The following PRMT8 variants were observed in gnomAD, a reference collection of about 807,000 sequenced individuals.
The protein encoded by PRMT8 is protein arginine N-methyltransferase 8.
In PRMT8, 7 loss-of-function variants were observed where a neutral mutation model predicts 47.1. The ratio of observed to expected loss-of-function variants is 0.15; its 90% CI spans 0.08 to 0.28. PRMT8 has a LOEUF of 0.28. Ranked by LOEUF, PRMT8 falls within the 10% of genes least tolerant of loss-of-function variation. The probability of loss-of-function intolerance (pLI) is 1.00; values close to 1 mark genes in which losing one functional copy is unlikely to be tolerated. For synonymous variants in PRMT8, 188 were observed against 186.5 expected (o/e 1.01, Z -0.07); for missense variants, 237 against 505.4 (o/e 0.47, Z 5.09).
chr12:3,491,789 A>G, intron 1 of PRMT8, 89 bp downstream of exon 1: 1 of 1,389,210 alleles, frequency 7.2e-7, no homozygotes, highest in South Asian at 1.3e-5. Flanking sequence ...CCGAGTGCCA[A>G]ACTTTCCCCA....
At chr12:3,577,888 A>G (rs1009599986) in intron 7 of PRMT8, among the ~76,000 whole-genome samples, 4 of 152,174 alleles carry the variant, frequency 2.6e-5, no homozygotes, top group Non-Finnish European at 4.4e-5. Flanking sequence ...ATTATTAAAA[A>G]TTCAAACATG....
At chr12:3,463,914 G>T (rs1865064275) in intron 1 of PRMT8, among the ~76,000 whole-genome samples, 3 of 152,326 alleles carry the variant, frequency 2.0e-5, no homozygotes, top group South Asian at 4.1e-4. Context: ...AGAGGATAAT[G>T]CTTCCGTCTT....
rs1263704710 is a variant in PRMT8, at chr12:3,519,176, CAGAG to C, written c.76-21424_76-21421del. 4.0e-5 allele frequency among the ~76,000 whole-genome samples: 6 copies of C among 150,706 alleles called. No individual in the cohort carries two copies. The South Asian group carries it at 8.4e-4, about 21-fold the overall frequency. ...GGCCCAGCACGGCTCAGCTCGTGGC[CAGAG>C]AGAGAAAGAAGAAAAAACTAAGTGT... On this transcript the variant is annotated intron_variant, in intron 1 of 9. Coordinates refer to ENST00000382622, the MANE Select transcript of PRMT8 (RefSeq NM_019854.5).
intron 1 of PRMT8, among the ~76,000 whole-genome samples, chr12:3,526,187 A>G (rs1369337232): frequency 6.6e-6 from 1 of 152,134 alleles, no homozygotes; most frequent in Non-Finnish European, 1.5e-5. Flanking sequence ...TTTGTAGCAT[A>G]TGTCAGATTT....
intron 1 of PRMT8, among the ~76,000 whole-genome samples, chr12:3,448,154 G>C (rs10774148): frequency 0.48 from 73,719 of 152,102 alleles, 21,448 homozygotes; most frequent in Non-Finnish European, 0.65. Flanking sequence ...GTGGCACTAT[G>C]CCTGACTGAT....
intron 1 of PRMT8, among the ~76,000 whole-genome samples, chr12:3,462,524 T>G (rs1405220587): frequency 6.6e-6 from 1 of 151,996 alleles, no homozygotes; most frequent in Admixed American, 6.6e-5. Flanking sequence ...GCAAGCAGTT[T>G]TAAAAAATGA....
Position 3,569,259 on chromosome 12 carries a change from T to A in PRMT8, c.625-218T>A, listed in dbSNP as rs1393744962. On this transcript the variant is annotated intron_variant, in intron 5 of 9. Coordinates refer to ENST00000382622, the MANE Select transcript of PRMT8 (RefSeq NM_019854.5). The surrounding 1 kb of genome is among the most constrained non-coding windows in gnomAD (Gnocchi z 8.2). ...ATTTACCTTCACCTCACCTCATTTG[T>A]CCTATTGACTCCACCTAGGTCCCTT... Among the ~76,000 whole-genome samples the A allele has an allele frequency of 1.3e-5, 2 of 152,184 alleles. No individual in the cohort carries two copies. The highest frequency in any genetic ancestry group is 1.5e-5 in the Non-Finnish European group (1 of 68,030).
intron 1 of PRMT8, among the ~76,000 whole-genome samples, chr12:3,527,371 A>G (rs1333072990): frequency 6.6e-6 from 1 of 152,156 alleles, no homozygotes; most frequent in East Asian, 1.9e-4. Context: ...TGCTGGACAA[A>G]GGGATGATTC....
At chr12:3,567,812 G>A (rs1271409262) in intron 4 of PRMT8, among the ~76,000 whole-genome samples, 2 of 152,214 alleles carry the variant, frequency 1.3e-5, no homozygotes, top group Admixed American at 6.5e-5. Context: ...GGTGGCTCAT[G>A]CCTGTAATCC....
In PRMT8 at chr12:3,564,206, G is replaced by A. The variant is rs1866681910; in HGVS notation, c.482-4500G>A. 1.3e-5 allele frequency among the ~76,000 whole-genome samples: 2 copies of A among 152,076 alleles called. No homozygotes were observed. Among genetic ancestry groups the A allele is most frequent in the Admixed American group, 1.3e-4 (2 of 15,264 alleles). On this transcript the variant is annotated intron_variant, in intron 4 of 9. Transcript: ENST00000382622. This position sits in a 1 kb window ranked among gnomAD's most constrained non-coding sequence, Gnocchi z 4.0. ...TTGCTGCAGTGGGGTTGGCAGGGGG[G>A]TCAGGGGGCTTCATAGGCTCATAAT...
intron 1 of PRMT8, among the ~76,000 whole-genome samples, chr12:3,420,183 C>T (rs1386161677): frequency 6.6e-6 from 1 of 152,026 alleles, no homozygotes; most frequent in East Asian, 1.9e-4. Flanking sequence ...TCCATCAATG[C>T]AAGGCGGCAG....
At chr12:3,516,176 C>T (rs1317822573) in intron 1 of PRMT8, among the ~76,000 whole-genome samples, 3 of 152,210 alleles carry the variant, frequency 2.0e-5, no homozygotes, top group Non-Finnish European at 2.9e-5. Context: ...CTTTTCTTTA[C>T]CATAGGCCCT....
intron 1 of PRMT8, among the ~76,000 whole-genome samples, chr12:3,433,945 G>C (rs557977357): frequency 2.0e-5 from 3 of 152,298 alleles, no homozygotes; most frequent in Non-Finnish European, 4.4e-5. Flanking sequence ...GCATGAAAAA[G>C]TGAGATGCAT....
chr12:3,388,603 C>T (rs1864163089), intron 1 of PRMT8, among the ~76,000 whole-genome samples: 1 of 149,466 alleles, frequency 6.7e-6, no homozygotes, highest in South Asian at 2.2e-4. Context: ...GTGAGGTAGA[C>T]ACTATTATGA....
intron 1 of PRMT8, among the ~76,000 whole-genome samples, chr12:3,461,473 A>G (rs992792656): frequency 1.3e-5 from 2 of 152,226 alleles, no homozygotes; most frequent in African/African-American, 4.8e-5. Context: ...TCATGATTTA[A>G]GGGCCAACTG....
At chr12:3,529,131 C>T (rs1019876616) in intron 1 of PRMT8, among the ~76,000 whole-genome samples, 15 of 152,198 alleles carry the variant, frequency 9.9e-5, no homozygotes, top group African/African-American at 2.4e-4. Flanking sequence ...GTATTTTAAT[C>T]TACAAGACTC....
intron 1 of PRMT8, among the ~76,000 whole-genome samples, chr12:3,531,449 G>C (rs972457811): frequency 1.3e-5 from 2 of 152,206 alleles, no homozygotes; most frequent in East Asian, 3.9e-4. Flanking sequence ...GGAGGCTTGG[G>C]AGACAAGTGA....
At chr12:3,490,596 C>T (rs1462738884), upstream of PRMT8, among the ~76,000 whole-genome samples, 1 of 150,164 alleles carries the variant, frequency 6.7e-6, no homozygotes, top group Non-Finnish European at 1.5e-5. Flanking sequence ...CACCCTCTTT[C>T]CCAAGCCACT....
intron 1 of PRMT8, among the ~76,000 whole-genome samples, chr12:3,416,088 G>T (rs183467273): frequency 8.4e-4 from 128 of 152,266 alleles, no homozygotes; most frequent in African/African-American, 2.9e-3. Context: ...TGTCTATGAC[G>T]CCTTTCTAGC....
Sources: allele counts gnomAD v4.1 joint callset (sites outside exome capture counted in the v4.1 genomes callset), GRCh38; gene constraint gnomAD v4.1.1; non-coding constraint Gnocchi (gnomAD v3.1); transcripts MANE v1.5; gene names NCBI Gene and HGNC (gene_info 2026-07-23, HGNC 2026-07-21).